CUL2: variants seen among roughly 807,000 people sequenced by gnomAD.
The protein encoded by CUL2 is cullin-2.
Under a neutral mutation model 110.2 loss-of-function variants are expected in CUL2, and 22 were observed. The observed-to-expected ratio is 0.20, with a 90% CI of 0.14 to 0.28. The LOEUF (loss-of-function observed/expected upper bound fraction) is 0.28, where lower values mean the gene tolerates loss of function less well. Ranked by LOEUF, CUL2 falls within the 10% of genes least tolerant of loss-of-function variation. The pLI, the probability that CUL2 is intolerant of heterozygous loss-of-function variation, is 1.00. For synonymous variants in CUL2, 279 were observed against 293.2 expected (o/e 0.95, Z 0.49); for missense variants, 631 against 905.5 (o/e 0.70, Z 3.89).
intron 6 of CUL2, among the ~76,000 whole-genome samples, chr10:35,047,847 G>A (rs1382091129): frequency 6.6e-6 from 1 of 151,990 alleles, no homozygotes; most frequent in Non-Finnish European, 1.5e-5. Context: ...GGAGGCTGCA[G>A]TGAGCTGAAA....
chr10:35,087,568 A>G (rs2087094274), intron 1 of CUL2, among the ~76,000 whole-genome samples: 1 of 151,770 alleles, frequency 6.6e-6, no homozygotes, highest in Admixed American at 6.6e-5. Context: ...GTCCAATCCA[A>G]CCCCATCCCA....
rs12263295 is a variant in CUL2, at chr10:35,009,314, G to A, written c.*997C>T. 1 of 151,498 alleles carries A rather than the reference G, an allele frequency of 6.6e-6. No homozygotes were observed. Among genetic ancestry groups the A allele is most frequent in the African/African-American group, 2.4e-5 (1 of 41,286 alleles). 9.4% of individuals were successfully genotyped at this position (151,498 alleles called of 1,614,324 possible). On this transcript the variant is annotated 3_prime_UTR_variant, in exon 21 of 21. Transcript: ENST00000374749. Reference sequence around the variant, plus strand: ...AAGTATTTAGGTTATGCATTGCTAAGCACATCTGTGATTGATGAGAGTGAC... The same window carrying A: ...AAGTATTTAGGTTATGCATTGCTAAACACATCTGTGATTGATGAGAGTGAC...
At chr10:35,112,533 G>T (rs757352610) in intron 1 of CUL2, among the ~76,000 whole-genome samples, 3 of 152,196 alleles carry the variant, frequency 2.0e-5, no homozygotes, top group Non-Finnish European at 4.4e-5. Context: ...AGGACAGACT[G>T]CAAGAGAAGA....
At chr10:35,041,893 C>CTCCT (rs2085800425) in intron 8 of CUL2, among the ~76,000 whole-genome samples, 1 of 152,156 alleles carries the variant, frequency 6.6e-6, no homozygotes, top group South Asian at 2.1e-4. Flanking sequence ...TCCAATGTCC[C>CTCCT]TCCTTCCCTT....
At chr10:35,083,154 C>CAAA (rs35028347) in intron 1 of CUL2, among the ~76,000 whole-genome samples, 1,140 of 111,028 alleles carry the variant, frequency 0.01, 25 homozygotes, top group African/African-American at 0.039. Flanking sequence ...GACTCCATCT[C>CAAA]AAAAAAAAAA....
chr10:35,057,784 C>T (rs1335114216), intron 4 of CUL2, among the ~76,000 whole-genome samples: 1 of 150,644 alleles, frequency 6.6e-6, no homozygotes, highest in Non-Finnish European at 1.5e-5. Context: ...ATTTATTAAC[C>T]ACATATTTGC....
chr10:35,040,700 T>C (rs746375723), intron 8 of CUL2, among the ~76,000 whole-genome samples: 2 of 152,140 alleles, frequency 1.3e-5, no homozygotes, highest in African/African-American at 4.8e-5. Flanking sequence ...GGCTCTGCTT[T>C]TGTGGAAGAC....
At chr10:35,017,558 A>G (rs186742791) in intron 17 of CUL2, among the ~76,000 whole-genome samples, 2 of 152,110 alleles carry the variant, frequency 1.3e-5, no homozygotes, top group East Asian at 1.9e-4. Context: ...GCCGGGCATG[A>G]TGGCATATGC....
intron 4 of CUL2, among the ~76,000 whole-genome samples, chr10:35,060,650 TAC>T (rs1409872665): frequency 6.6e-6 from 1 of 152,144 alleles, no homozygotes; most frequent in East Asian, 1.9e-4. Context: ...TGCAATCGAG[TAC>T]AGTTTTACTT....
chr10:35,124,450 G>A (rs1420744360), intron 1 of CUL2, among the ~76,000 whole-genome samples: 3 of 151,960 alleles, frequency 2.0e-5, no homozygotes, highest in South Asian at 2.1e-4. Flanking sequence ...AAAAAGAGAC[G>A]GAAGAGGGCA....
At chr10:35,077,336 AAAC>A (rs1564742784) in intron 1 of CUL2, among the ~76,000 whole-genome samples, 2 of 150,952 alleles carry the variant, frequency 1.3e-5, no homozygotes, top group Non-Finnish European at 3.0e-5. Flanking sequence ...CAAACAAAAA[AAAC>A]AAACAAAAAT....
chr10:35,092,762 A>C (rs2135089832), upstream of CUL2, among the ~76,000 whole-genome samples: 1 of 151,746 alleles, frequency 6.6e-6, no homozygotes, highest in Admixed American at 6.6e-5. Context: ...TTAACTTGAA[A>C]GCTAAGTTCC....
chr10:35,069,015 C>A (rs760730294), intron 2 of CUL2, among the ~76,000 whole-genome samples: 1 of 152,026 alleles, frequency 6.6e-6, no homozygotes, highest in Non-Finnish European at 1.5e-5. Flanking sequence ...ATTCCAGGCA[C>A]CCACAACCAC....
intron 1 of CUL2, among the ~76,000 whole-genome samples, chr10:35,109,207 A>G (rs1460463598): frequency 6.6e-6 from 1 of 152,324 alleles, no homozygotes; most frequent in East Asian, 1.9e-4. Flanking sequence ...AAACATTTAA[A>G]AAATGTTTAG....
chr10:35,018,087 G>A (rs1423829812), intron 17 of CUL2, among the ~76,000 whole-genome samples: 5 of 144,516 alleles, frequency 3.5e-5, no homozygotes, highest in African/African-American at 7.7e-5. Context: ...TCAGGAGATC[G>A]AGACCACGGT....
chr10:35,028,724 ACT>A (rs2085393813), intron 16 of CUL2, 84 bp downstream of exon 16: 2 of 853,018 alleles, frequency 2.3e-6, no homozygotes, highest in Non-Finnish European at 3.7e-6. Flanking sequence ...AACCCTTAAG[ACT>A]CTGAAAAAAT....
In CUL2 at chr10:35,044,794, T is replaced by C. The variant is rs1361177641; in HGVS notation, c.581A>G (p.Tyr194Cys). The C allele has an allele frequency of 3.1e-6, 5 of 1,612,530 alleles. No individual in the cohort carries two copies. Among genetic ancestry groups the C allele is most frequent in the Non-Finnish European group, 4.2e-6 (5 of 1,179,328 alleles). ...VINSFVHVEQ[Y>C]KKKFPLKFYQ... ...TACCTTTAAGGGGAATTTTTTCTTA[T>C]ACTGTTCAACATGAACAAAGGAGTT... The change falls in exon 7 of 21, where the codon TAT becomes TGT. Residue 194 changes from tyrosine (Y) to cysteine (C), a missense_variant. Physicochemically the swap from Tyr to Cys is radical, Grantham distance 194. Coordinates refer to ENST00000374749, the MANE Select transcript of CUL2 (RefSeq NM_003591.4).
chr10:35,079,350 ACTGACCTT>A (rs2086893736), intron 1 of CUL2, among the ~76,000 whole-genome samples: 1 of 152,132 alleles, frequency 6.6e-6, no homozygotes, highest in Admixed American at 6.5e-5. Flanking sequence ...GCTACTTACT[ACTGACCTT>A]CTGTATTCCT....
At chr10:35,037,880 G>A (rs748511014) in intron 9 of CUL2, among the ~76,000 whole-genome samples, 13 of 151,924 alleles carry the variant, frequency 8.6e-5, no homozygotes, top group Non-Finnish European at 1.8e-4. Flanking sequence ...ATGGCCGGGC[G>A]CGGTGACTCA....
Sources: gnomAD v4.1 joint callset for allele counts (sites outside exome capture counted in the v4.1 genomes callset) on GRCh38, gnomAD v4.1.1 for gene constraint, MANE v1.5 for transcripts, NCBI Gene and HGNC (gene_info 2026-07-23, HGNC 2026-07-21) for gene names.